ABCA12: variants seen among roughly 807,000 people sequenced by gnomAD.
ABCA12 encodes glucosylceramide transporter ABCA12.
ABCA12 carries 156 observed loss-of-function variants against 293.5 expected under a neutral mutation model. The observed-to-expected ratio is 0.53, with a 90% CI of 0.47 to 0.61. ABCA12 has a LOEUF of 0.61. Among genes scored for constraint, ABCA12 ranks in the 20% least tolerant of loss-of-function variants. The probability of loss-of-function intolerance (pLI) is 0.00; values close to 1 mark genes in which losing one functional copy is unlikely to be tolerated. For synonymous variants in ABCA12, 1,063 were observed against 1,108.0 expected, an observed-to-expected ratio of 0.96 and a Z score of 0.81; for missense variants, 2,797 against 3,090.2, an observed-to-expected ratio of 0.91 and a Z score of 2.25.
chr2:215,000,940 TTA>T lies in ABCA12; in HGVS notation c.2942_2943del (p.Ile981LysfsTer46). The T allele has an allele frequency of 6.2e-7, 1 of 1,614,050 alleles. No homozygotes were observed. Among genetic ancestry groups the T allele is most frequent in the South Asian group, 1.1e-5 (1 of 91,074 alleles). The stretch of plus-strand genomic sequence containing the variant: ...TTGAGACTCATCCGGATGGTATATT[TTA>T]TGACAGGAGGAAGAAAGACATTTCC... ...DSGNVFLPPV[I>X]KYTIRMSLKT... On this transcript the variant is annotated frameshift_variant, in exon 22 of 53. Transcript: ENST00000272895. LOFTEE classifies it high-confidence loss of function.
Position 214,970,256 on chromosome 2 carries a change from T to C in ABCA12, c.5690+17A>G, listed in dbSNP as rs780073850. ...AATTAGCAAGCAATTAAATATGTTATAAACAGATTATTTTACCTTTTTTGG... is the reference window on the plus strand; with the variant it reads ...AATTAGCAAGCAATTAAATATGTTACAAACAGATTATTTTACCTTTTTTGG... On this transcript the variant is annotated intron_variant, in intron 37 of 52. Coordinates refer to ENST00000272895, the MANE Select transcript of ABCA12 (RefSeq NM_173076.3). The C allele has an allele frequency of 1.2e-6, 2 of 1,608,716 alleles. No homozygotes were observed. Among genetic ancestry groups the C allele is most frequent in the Non-Finnish European group, 1.7e-6 (2 of 1,177,100 alleles).
In ABCA12 at chr2:215,008,749, A is replaced by G. The variant is rs924021326; in HGVS notation, c.2473-903T>C. On this transcript the variant is annotated intron_variant, in intron 18 of 52. Coordinates refer to ENST00000272895, the MANE Select transcript of ABCA12 (RefSeq NM_173076.3). ...TTTATATGAAAGGAAGAATAGGATC[A>G]AGAGAAGAGGAAAAGGGGAGGTGAG... Among the ~76,000 whole-genome samples the G allele has an allele frequency of 2.6e-4, 39 of 152,158 alleles. 1 individual carries two copies. Among genetic ancestry groups the G allele is most frequent in the Non-Finnish European group, 2.9e-5 (2 of 68,012 alleles).
At chr2:215,048,995 C>A (rs1701263019) in intron 6 of ABCA12, among the ~76,000 whole-genome samples, 2 of 152,082 alleles carry the variant, frequency 1.3e-5, no homozygotes, top group Admixed American at 1.3e-4. Flanking sequence ...GACACTGGGA[C>A]TTACTTGAGT....
At chr2:215,083,621 T>C (rs1385363958) in intron 2 of ABCA12, among the ~76,000 whole-genome samples, 17 of 152,216 alleles carry the variant, frequency 1.1e-4, no homozygotes, top group Non-Finnish European at 1.5e-4. Flanking sequence ...ATTTTCATTG[T>C]TTATCTAGAG....
At chr2:215,065,936 T>G (rs1013456534) in intron 2 of ABCA12, among the ~76,000 whole-genome samples, 1 of 152,130 alleles carries the variant, frequency 6.6e-6, no homozygotes, top group South Asian at 2.1e-4. Flanking sequence ...ATTCACTAGT[T>G]CCTTCCATGT....
intron 39 of ABCA12, among the ~76,000 whole-genome samples, chr2:214,961,211 T>C (rs528884738): frequency 1.3e-5 from 2 of 151,946 alleles, no homozygotes; most frequent in Non-Finnish European, 2.9e-5. Flanking sequence ...CCAGAGAGAG[T>C]GGAAACTTAC....
At chr2:215,134,614 T>G (rs368375358) in intron 1 of ABCA12, among the ~76,000 whole-genome samples, 2,909 of 86,160 alleles carry the variant, frequency 0.034, 201 homozygotes, top group African/African-American at 0.055. Context: ...TATATATATA[T>G]ATAGAGAGAG....
At chr2:215,102,661 T>G (rs912333686) in intron 2 of ABCA12, among the ~76,000 whole-genome samples, 1 of 152,196 alleles carries the variant, frequency 6.6e-6, no homozygotes, top group African/African-American at 2.4e-5. Flanking sequence ...CTTTCAGTAC[T>G]CAACAAGCAT....
chr2:215,023,125 G>A (rs922962342), intron 11 of ABCA12: 1 of 152,156 alleles, frequency 6.6e-6, no homozygotes, highest in Admixed American at 6.5e-5. Context: ...CTAACTGATG[G>A]TCACAAGCAT....
Position 215,015,541 on chromosome 2 carries a change from G to T in ABCA12, c.1905C>A (p.Leu635=). The part of the protein sequence containing the change: ...SLSERSRQSY[L]IGLTLLHYLN... Reference sequence around the variant, plus strand: ...AGTAGTGCAGAAGGGTGAGTCCGATGAGGTAAGACTGCCGGGATCTCTCTG... The same window carrying T: ...AGTAGTGCAGAAGGGTGAGTCCGATTAGGTAAGACTGCCGGGATCTCTCTG... Residue 635 remains leucine (L), a synonymous_variant, in exon 15 of 53, where the codon CTC becomes CTA. Transcript: ENST00000272895. 6.2e-7 allele frequency: 1 copy of T among 1,614,138 alleles called. No individual in the cohort carries two copies. The highest frequency in any genetic ancestry group is 8.5e-7 in the Non-Finnish European group (1 of 1,180,002).
Position 214,989,418 on chromosome 2 carries a change from G to C in ABCA12, c.3740C>G (p.Thr1247Ser), listed in dbSNP as rs749274841. 1 of 1,613,542 alleles carries C rather than the reference G, an allele frequency of 6.2e-7. No individual in the cohort carries two copies. Among genetic ancestry groups the C allele is most frequent in the South Asian group, 1.1e-5 (1 of 91,044 alleles). The change falls in exon 26 of 53, where the codon ACC becomes AGC. Residue 1247 changes from threonine (T) to serine (S), a missense_variant. By Grantham distance (58) the Thr-to-Ser change is moderately conservative. Around this residue, in one of 3 missense-constraint regions of ABCA12, gnomAD observed 2,130 missense variants for 2,427.0 expected, o/e 0.88. Coordinates refer to ENST00000272895, the MANE Select transcript of ABCA12 (RefSeq NM_173076.3). ...NMYTSPVQDD[T>S]TSFGWLCCLI... Reference sequence around the variant, plus strand: ...ACAGCACAGCCAGCCAAATGAGGTGGTGTCATCCTGAACCGGGGAGGTGTA... The same window carrying C: ...ACAGCACAGCCAGCCAAATGAGGTGCTGTCATCCTGAACCGGGGAGGTGTA...
intron 32 of ABCA12, 55 bp downstream of exon 32, chr2:214,978,749 A>G (rs1699579285): frequency 6.4e-7 from 1 of 1,567,252 alleles, no homozygotes; most frequent in Non-Finnish European, 8.8e-7. Flanking sequence ...TATTTCTTCA[A>G]AGGGAACAGC....
intron 2 of ABCA12, among the ~76,000 whole-genome samples, chr2:215,065,334 C>T (rs1479627665): frequency 7.3e-6 from 1 of 136,764 alleles, no homozygotes; most frequent in Non-Finnish European, 1.5e-5. Context: ...AAAGAGTGCC[C>T]GTACAGGTCT....
chr2:215,138,277 C>T lies in ABCA12; in HGVS notation c.-69G>A, dbSNP rs920276462. On this transcript the variant is annotated 5_prime_UTR_variant, in exon 1 of 53. Coordinates refer to ENST00000272895, the MANE Select transcript of ABCA12 (RefSeq NM_173076.3). Reference sequence around the variant, plus strand: ...CTCCACAAATGAAGAACTGATGCCCCGTCCAACTTGCTGTATGTCAGTGTA... The same window carrying T: ...CTCCACAAATGAAGAACTGATGCCCTGTCCAACTTGCTGTATGTCAGTGTA... 7.8e-6 allele frequency: 12 copies of T among 1,537,010 alleles called. No individual in the cohort carries two copies. The East Asian group carries it at 1.1e-4, about 14-fold the overall frequency.
chr2:214,998,730 C>T lies in ABCA12; in HGVS notation c.3180-921G>A, dbSNP rs113545504. On this transcript the variant is annotated intron_variant, in intron 22 of 52. Transcript: ENST00000272895. The stretch of plus-strand genomic sequence containing the variant: ...CTGATTTATTATATCTGGGTGGGAC[C>T]ATCTATTTGCTTTTTAAACAACTTC... 4.9e-3 allele frequency among the ~76,000 whole-genome samples: 751 copies of T among 152,198 alleles called. 5 individuals carry two copies. Among genetic ancestry groups the T allele is most frequent in the Middle Eastern group, 0.017 (5 of 294 alleles).
chr2:215,119,033 C>T (rs753981691), intron 1 of ABCA12, among the ~76,000 whole-genome samples: 77 of 152,004 alleles, frequency 5.1e-4, no homozygotes, highest in Admixed American at 1.6e-3. Flanking sequence ...TAGAGTGGTA[C>T]GATCTCGGCT....
chr2:215,058,965 G>A (rs984472075), intron 3 of ABCA12, among the ~76,000 whole-genome samples: 1 of 151,964 alleles, frequency 6.6e-6, no homozygotes, highest in African/African-American at 2.4e-5. Context: ...CTTCCACTGG[G>A]TGTCTTTTTC....
At chr2:215,009,317 T>TGGGAGGA (rs1337364792) in intron 18 of ABCA12, among the ~76,000 whole-genome samples, 1 of 150,926 alleles carries the variant, frequency 6.6e-6, no homozygotes, top group Non-Finnish European at 1.5e-5. Context: ...GGGTGGAGGG[T>TGGGAGGA]GGGAGGAGGA....
intron 19 of ABCA12, among the ~76,000 whole-genome samples, chr2:215,007,155 G>A (rs958059679): frequency 3.3e-5 from 5 of 152,242 alleles, no homozygotes; most frequent in African/African-American, 7.2e-5. Flanking sequence ...GATTACAGGC[G>A]TGAGCTACCG....
Sources: gnomAD v4.1 joint callset for allele counts (sites outside exome capture counted in the v4.1 genomes callset) on GRCh38, gnomAD v4.1.1 for gene constraint, gnomAD v4.1.1 regional missense constraint, MANE v1.5 for transcripts, NCBI Gene and HGNC (gene_info 2026-07-23, HGNC 2026-07-21) for gene names.